The following MAP3K19 variants were observed in gnomAD, a reference collection of about 807,000 sequenced individuals.
The protein encoded by MAP3K19 is SPS1/STE20-related protein kinase YSK4.
In MAP3K19, 91 loss-of-function variants were observed where a neutral mutation model predicts 114.4. The observed-to-expected ratio is 0.80, with a 90% CI of 0.67 to 0.95. The LOEUF (loss-of-function observed/expected upper bound fraction) is 0.95. Ranked by LOEUF, MAP3K19 falls within the 40% of genes least tolerant of loss-of-function variation. The probability of loss-of-function intolerance (pLI) is 0.00; values close to 1 mark genes in which losing one functional copy is unlikely to be tolerated. For missense variants in MAP3K19, 1,471 were observed against 1,573.2 expected, an observed-to-expected ratio of 0.94 and a Z score of 1.10; for synonymous variants, 518 against 530.5, an observed-to-expected ratio of 0.98 and a Z score of 0.32.
chr2:135,032,213 C>T (rs919748163), intron 2 of MAP3K19, among the ~76,000 whole-genome samples: 1 of 151,914 alleles, frequency 6.6e-6, no homozygotes, highest in Admixed American at 6.6e-5. Context: ...AAAAATTAGC[C>T]AGGCACAGTG....
At chr2:134,984,733 G>A (rs1197976030) in intron 10 of MAP3K19, among the ~76,000 whole-genome samples, 1 of 152,120 alleles carries the variant, frequency 6.6e-6, no homozygotes, top group Non-Finnish European at 1.5e-5. Flanking sequence ...AAGGTGGATC[G>A]CGAGGTCAGG....
At chr2:135,018,335 G>A (rs1021015432) in intron 5 of MAP3K19, among the ~76,000 whole-genome samples, 1 of 143,630 alleles carries the variant, frequency 7.0e-6, no homozygotes, top group Non-Finnish European at 1.5e-5. Context: ...GAAGAAAGAA[G>A]CTCAACATAT....
chr2:135,019,106 A>G lies in MAP3K19; in HGVS notation c.138+2609T>C, dbSNP rs181182367. 2.2e-4 allele frequency among the ~76,000 whole-genome samples: 34 copies of G among 152,214 alleles called. No homozygotes were observed. The East Asian group carries it at 5.8e-3, about 26-fold the overall frequency. ...AAAAAAAAGAAAAAAAAAAGCTCTA[A>G]TTGGATTATGACTCTAAATGTAAAA... On this transcript the variant is annotated intron_variant, in intron 5 of 12. Transcript: ENST00000392915.
chr2:135,015,625 T>TG (rs1214399912), intron 5 of MAP3K19, among the ~76,000 whole-genome samples: 2 of 152,168 alleles, frequency 1.3e-5, no homozygotes, highest in African/African-American at 4.8e-5. Flanking sequence ...CCGGGCACAG[T>TG]GGCTCATGCC....
At chr2:135,032,657 G>A (rs1309529603) in intron 2 of MAP3K19, among the ~76,000 whole-genome samples, 2 of 144,236 alleles carry the variant, frequency 1.4e-5, no homozygotes, top group East Asian at 2.0e-4. Flanking sequence ...GGTGTTTCTC[G>A]CAGAGGGGGA....
At chr2:135,035,839 T>G (rs1226250637) in intron 2 of MAP3K19, among the ~76,000 whole-genome samples, 2 of 152,174 alleles carry the variant, frequency 1.3e-5, no homozygotes, top group African/African-American at 4.8e-5. Context: ...TGCAAGATTT[T>G]TTTTTCCTTT....
intron 5 of MAP3K19, among the ~76,000 whole-genome samples, chr2:135,017,982 T>G (rs1321990187): frequency 6.6e-6 from 1 of 152,190 alleles, no homozygotes; most frequent in Non-Finnish European, 1.5e-5. Flanking sequence ...AAATGCAAAG[T>G]ACACATCTTA....
chr2:134,991,444 G>T (rs1039223407), intron 9 of MAP3K19, 93 bp downstream of exon 9: 3 of 1,074,212 alleles, frequency 2.8e-6, no homozygotes, highest in African/African-American at 3.1e-5. Context: ...TTGTTGAAGG[G>T]TCAAGTGTAA....
At chr2:134,970,502 G>C (rs1398715867) in intron 12 of MAP3K19, among the ~76,000 whole-genome samples, 1 of 150,892 alleles carries the variant, frequency 6.6e-6, no homozygotes, top group African/African-American at 2.4e-5. Flanking sequence ...CGATCTAAGA[G>C]TTTTTTGGTG....
chr2:135,010,939 A>G (rs2105333282), intron 5 of MAP3K19, among the ~76,000 whole-genome samples: 1 of 152,238 alleles, frequency 6.6e-6, no homozygotes, highest in South Asian at 2.1e-4. Context: ...CCTATGATAA[A>G]ATTTTGAAAG....
chr2:135,022,698 AC>A (rs1263976493), intron 4 of MAP3K19, among the ~76,000 whole-genome samples: 1 of 152,162 alleles, frequency 6.6e-6, no homozygotes, highest in African/African-American at 2.4e-5. Flanking sequence ...GATCGCTCAA[AC>A]TTTCTTCTTT....
intron 12 of MAP3K19, among the ~76,000 whole-genome samples, chr2:134,974,944 G>C (rs191636308): frequency 6.6e-6 from 1 of 152,330 alleles, no homozygotes. Flanking sequence ...TGTGGTCTTA[G>C]TATAATTTCT....
chr2:134,969,019 A>G lies in MAP3K19; in HGVS notation c.3921-4103T>C, dbSNP rs192210786. Among the ~76,000 whole-genome samples the G allele has an allele frequency of 3.1e-3, 467 of 152,258 alleles. 3 individuals are homozygous for G. Among genetic ancestry groups the G allele is most frequent in the East Asian group, 0.022 (112 of 5,166 alleles). ...CAGGCTGCTGGGAGGTGGAGGTTGT[A>G]GCGAACCGGGATCACGCCGCTGCAC... On this transcript the variant is annotated intron_variant, in intron 12 of 12. Coordinates refer to ENST00000392915, the MANE Select transcript of MAP3K19 (RefSeq NM_025052.5).
intron 12 of MAP3K19, among the ~76,000 whole-genome samples, chr2:134,973,759 TG>T (rs1684034636): frequency 6.6e-6 from 1 of 152,192 alleles, no homozygotes; most frequent in Non-Finnish European, 1.5e-5. Flanking sequence ...CTCTTTTGTG[TG>T]GTTTCCTCTA....
At chr2:135,023,228 C>T (rs961696496) in intron 4 of MAP3K19, 1 of 339,826 alleles carries the variant, frequency 2.9e-6, no homozygotes, top group Non-Finnish European at 5.8e-6. Flanking sequence ...TTTGTAATCT[C>T]TTTTCCAATT....
chr2:135,019,549 G>A (rs577891619), intron 5 of MAP3K19, among the ~76,000 whole-genome samples: 3 of 152,306 alleles, frequency 2.0e-5, no homozygotes, highest in Admixed American at 2.0e-4. Context: ...CTAGTCAGGA[G>A]GCTGAGGTAG....
In MAP3K19 at chr2:134,998,884, A is replaced by T. The variant is rs138992614; in HGVS notation, c.428T>A (p.Leu143Ter). 389 of 1,614,070 alleles carry T rather than the reference A, an allele frequency of 2.4e-4. No homozygotes were observed. Among genetic ancestry groups the T allele is most frequent in the Non-Finnish European group, 3.1e-4 (371 of 1,180,020 alleles). The change falls in exon 8 of 13, where the codon TTG (leucine) becomes TAG (stop). Residue 143 changes from leucine (L) to a stop codon, truncating the protein, a stop_gained. Coordinates refer to ENST00000392915, the MANE Select transcript of MAP3K19 (RefSeq NM_025052.5). LOFTEE classifies it high-confidence loss of function. ...CTCCCTGGAACTTTCCTCTTTTTGC[A>T]AAACTAAGGGCCGCATGGTCAGCTT... The part of the protein sequence containing the change: ...KKKLTMRPLV[L>*]QKEESSRELC...
chr2:135,013,505 T>A (rs982476531), intron 5 of MAP3K19, among the ~76,000 whole-genome samples: 16 of 152,206 alleles, frequency 1.1e-4, no homozygotes, highest in African/African-American at 3.9e-4. Context: ...AACAAATGTA[T>A]AATGACCTGT....
At position 134,980,897 on chromosome 2, in the gene MAP3K19, G is replaced by C; in HGVS notation, c.3844C>G (p.His1282Asp). The C allele has an allele frequency of 6.2e-7, 1 of 1,614,240 alleles. No homozygotes were observed. The highest frequency in any genetic ancestry group is 1.1e-5 in the South Asian group (1 of 91,086). ...GGTAAAGGAGGCATCAGCCCTCGGT[G>C]TGCTCCGATGTAAAACATGGCGGCC... ...RMAAMFYIGA[H>D]RGLMPPLPDH... The change falls in exon 12 of 13, where the codon CAC becomes GAC. Residue 1282 changes from histidine (H) to aspartate (D), a missense_variant. Physicochemically the swap from His to Asp is moderately conservative, Grantham distance 81. Coordinates refer to ENST00000392915, the MANE Select transcript of MAP3K19 (RefSeq NM_025052.5).
Sources: allele counts gnomAD v4.1 joint callset (sites outside exome capture counted in the v4.1 genomes callset), GRCh38; gene constraint gnomAD v4.1.1; transcripts MANE v1.5; gene names NCBI Gene and HGNC (gene_info 2026-07-23, HGNC 2026-07-21).